Variants in ROS1 observed in about 807,000 individuals in gnomAD.
ROS1 encodes proto-oncogene tyrosine-protein kinase ROS.
In ROS1, 263 loss-of-function variants were observed where a neutral mutation model predicts 273.5. The observed-to-expected ratio is 0.96, with a 90% CI of 0.87 to 1.06. The LOEUF is 1.06. Ranked by LOEUF, ROS1 falls within the 50% of genes least tolerant of loss-of-function variation. The probability of loss-of-function intolerance (pLI) is 0.00; values close to 1 mark genes in which losing one functional copy is unlikely to be tolerated. For missense variants in ROS1, 2,833 were observed against 2,751.1 expected, an observed-to-expected ratio of 1.03 and a Z score of -0.67; for synonymous variants, 1,008 against 954.1, an observed-to-expected ratio of 1.06 and a Z score of -1.04.
intron 1 of ROS1, among the ~76,000 whole-genome samples, chr6:117,420,002 A>G (rs1200801531): frequency 6.6e-6 from 1 of 152,150 alleles, no homozygotes; most frequent in Middle Eastern, 3.2e-3. Context: ...GCTAACATTT[A>G]TTGAATTATT....
intron 43 of ROS1, chr6:117,299,591 C>A (rs1263982246): frequency 6.6e-6 from 1 of 152,216 alleles, no homozygotes; most frequent in Non-Finnish European, 1.5e-5. Flanking sequence ...GTGTCTCCTG[C>A]ACTGCCAGTC....
chr6:117,365,574 A>C lies in ROS1; in HGVS notation c.2958+7T>G. The stretch of plus-strand genomic sequence containing the variant: ...GGAAATGAAAGTTACTAGAACCAAC[A>C]CCATACCTTAGAATGAGCACTAAAT... On this transcript the variant is annotated splice_region_variant and intron_variant, in intron 20 of 43. Coordinates refer to ENST00000368507, the MANE Select transcript of ROS1 (RefSeq NM_001378902.1). 6.2e-7 allele frequency: 1 copy of C among 1,611,162 alleles called. No homozygotes were observed. Among genetic ancestry groups the C allele is most frequent in the Non-Finnish European group, 8.5e-7 (1 of 1,177,404 alleles).
chr6:117,353,091 A>C lies in ROS1; in HGVS notation c.4202T>G (p.Ile1401Ser). The C allele has an allele frequency of 6.2e-7, 1 of 1,614,142 alleles. No homozygotes were observed. ...WIITAKDSTQ[I>S]YQAKKGNGAI... ...CCCATTTCCTTTCTTTGCCTGATAA[A>C]TCTGTGTGCTGTCCTTTGCTGTGAT... is the stretch of plus-strand genomic sequence containing the variant. Residue 1401 changes from isoleucine (I) to serine (S), a missense_variant, in exon 27 of 44, where the codon ATT becomes AGT. Coordinates refer to ENST00000368507, the MANE Select transcript of ROS1 (RefSeq NM_001378902.1).
chr6:117,344,340 A>C lies in ROS1; in HGVS notation c.4304-78T>G. On this transcript the variant is annotated intron_variant, in intron 27 of 43. Coordinates refer to ENST00000368507, the MANE Select transcript of ROS1 (RefSeq NM_001378902.1). ...GAAAAGCAGATTTTTAACAAGAATA[A>C]TATCAAAGCTTAGAAAGAAATTTGT... is the stretch of plus-strand genomic sequence containing the variant. 3.0e-6 allele frequency: 3 copies of C among 988,468 alleles called. No individual in the cohort carries two copies. In the South Asian group the frequency reaches 5.3e-5, roughly 17 times the overall value. 61.2% of individuals were successfully genotyped at this position (988,468 alleles called of 1,614,324 possible). A position where few individuals can be genotyped will look rare whatever the true frequency, so the allele number is the denominator to read the frequency against.
intron 24 of ROS1, among the ~76,000 whole-genome samples, chr6:117,358,720 A>C (rs1171672557): frequency 1.3e-5 from 2 of 152,114 alleles, no homozygotes; most frequent in Admixed American, 1.3e-4. Flanking sequence ...TTGGCCTCCT[A>C]CAGTGTTGGG....
intron 32 of ROS1, among the ~76,000 whole-genome samples, chr6:117,335,967 T>A (rs960730075): frequency 3.3e-5 from 5 of 152,032 alleles, no homozygotes; most frequent in African/African-American, 4.8e-5. Flanking sequence ...GAAGAAATTT[T>A]AAAAAAAGAA....
At position 117,317,250 on chromosome 6, in the gene ROS1, G is replaced by T. The variant is rs1278741519; in HGVS notation, c.6010C>A (p.Leu2004Met). 18 of 1,612,052 alleles carry T rather than the reference G, an allele frequency of 1.1e-5. No homozygotes were observed. The highest frequency in any genetic ancestry group is 1.4e-5 in the Non-Finnish European group (17 of 1,179,238). The part of the protein sequence containing the change: ...LMSKFNHPNI[L>M]KQLGVCLLNE... ...AGCAGACAAACTCCAAGCTGCTTCA[G>T]AATGTTGGGATGATTAAATTTGCTG... Residue 2004 changes from leucine to methionine, a missense_variant, in exon 39 of 44, where the codon CTG becomes ATG. Leu to Met is a conservative substitution (Grantham distance 15). Transcript: ENST00000368507.
In ROS1 at chr6:117,398,693, A is replaced by AAAAAAAAAAAAAAAAAC. The variant is rs1554252569; in HGVS notation, c.605-1578_605-1577insGTTTTTTTTTTTTTTTT. On this transcript the variant is annotated intron_variant, in intron 7 of 43. Coordinates refer to ENST00000368507, the MANE Select transcript of ROS1 (RefSeq NM_001378902.1). The stretch of plus-strand genomic sequence containing the variant: ...GACCTTGTCTCAAAAAAAAAAAAAA[A>AAAAAAAAAAAAAAAAAC]AAAACTCGCGGTGACTCATGCTTGT... 5.6e-3 allele frequency among the ~76,000 whole-genome samples: 785 copies of AAAAAAAAAAAAAAAAAC among 141,046 alleles called. 25 individuals are homozygous for AAAAAAAAAAAAAAAAAC. Among genetic ancestry groups the AAAAAAAAAAAAAAAAAC allele is most frequent in the Non-Finnish European group, 9.8e-3 (607 of 62,040 alleles). The allele number at this position is 141,046 out of a possible 152,430, so 92.5% of individuals were successfully genotyped here. A position where few individuals can be genotyped will look rare whatever the true frequency, so the allele number is the denominator to read the frequency against.
intron 1 of ROS1, among the ~76,000 whole-genome samples, chr6:117,422,051 C>A (rs961461260): frequency 6.6e-6 from 1 of 152,162 alleles, no homozygotes; most frequent in African/African-American, 2.4e-5. Flanking sequence ...AACAGAGTCA[C>A]CCAGGCTGGA....
At chr6:117,379,833 G>T (rs1247585326) in intron 17 of ROS1, among the ~76,000 whole-genome samples, 2 of 152,070 alleles carry the variant, frequency 1.3e-5, no homozygotes, top group African/African-American at 4.8e-5. Flanking sequence ...ACTTTAAAAA[G>T]ATCATACACA....
chr6:117,352,185 A>C (rs1778924917), intron 27 of ROS1, among the ~76,000 whole-genome samples: 2 of 152,174 alleles, frequency 1.3e-5, no homozygotes, highest in African/African-American at 4.8e-5. Flanking sequence ...GGTTCAATCC[A>C]TTCTCCTGCC....
intron 5 of ROS1, among the ~76,000 whole-genome samples, chr6:117,409,039 G>C (rs1215017513): frequency 7.5e-6 from 1 of 133,084 alleles, no homozygotes; most frequent in Non-Finnish European, 1.5e-5. Context: ...ACAGGAAGGG[G>C]AACATTACAC....
chr6:117,290,976 T>C (rs914474660), intron 43 of ROS1, among the ~76,000 whole-genome samples: 1 of 152,202 alleles, frequency 6.6e-6, no homozygotes, highest in Non-Finnish European at 1.5e-5. Flanking sequence ...ACATTATTTT[T>C]TATTGAAAAA....
intron 42 of ROS1, among the ~76,000 whole-genome samples, chr6:117,304,429 T>C (rs1238265222): frequency 6.6e-6 from 1 of 152,224 alleles, no homozygotes; most frequent in Non-Finnish European, 1.5e-5. Flanking sequence ...AGAGAGAATC[T>C]CTCAAGGTTG....
intron 31 of ROS1, among the ~76,000 whole-genome samples, chr6:117,339,243 G>A (rs940205492): frequency 1.3e-5 from 2 of 152,122 alleles, no homozygotes; most frequent in South Asian, 4.1e-4. Context: ...TATCGTTAAT[G>A]TTAGTATATT....
intron 32 of ROS1, among the ~76,000 whole-genome samples, chr6:117,335,695 A>G (rs1306148966): frequency 1.3e-5 from 2 of 152,212 alleles, no homozygotes; most frequent in Non-Finnish European, 2.9e-5. Flanking sequence ...AGGGACATGG[A>G]TGAAGCTGGA....
intron 1 of ROS1, among the ~76,000 whole-genome samples, chr6:117,418,949 T>C (rs1219344967): frequency 2.0e-5 from 3 of 152,124 alleles, no homozygotes. Context: ...TTTAAGAACT[T>C]TTTTATACTG....
chr6:117,365,889 C>CT, intron 19 of ROS1, 148 bp from the exon 20 acceptor site: 4 of 898,044 alleles, frequency 4.5e-6, no homozygotes, highest in Non-Finnish European at 6.6e-6. Context: ...AAAAAATCAT[C>CT]TTTTTCTGAC....
At position 117,393,932 on chromosome 6, in the gene ROS1, T is replaced by C. The variant is rs17079125; in HGVS notation, c.1191+230A>G. Reference sequence around the variant, plus strand: ...TATTTTTAGTATAAACTCATGACTCTAAAAAAGTACAAATAAAGGTGATTT... The same window carrying C: ...TATTTTTAGTATAAACTCATGACTCCAAAAAAGTACAAATAAAGGTGATTT... On this transcript the variant is annotated intron_variant, in intron 11 of 43. Transcript: ENST00000368507. 3.3e-3 allele frequency among the ~76,000 whole-genome samples: 503 copies of C among 152,286 alleles called. 7 individuals carry two copies. The highest frequency in any genetic ancestry group is 0.012 in the African/African-American group (488 of 41,550).
Sources: gnomAD v4.1 joint callset for allele counts (sites outside exome capture counted in the v4.1 genomes callset) on GRCh38, gnomAD v4.1.1 for gene constraint, MANE v1.5 for transcripts, NCBI Gene and HGNC (gene_info 2026-07-23, HGNC 2026-07-21) for gene names.